The following SIDT1 variants were observed in gnomAD, a reference collection of about 807,000 sequenced individuals.
SIDT1 encodes SID1 transmembrane family, member 1.
In SIDT1, 101 loss-of-function variants were observed where a neutral mutation model predicts 107.5. The ratio of observed to expected loss-of-function variants is 0.94; its 90% CI spans 0.80 to 1.11. SIDT1 has a LOEUF of 1.11. Among genes scored for constraint, SIDT1 ranks in the 50% least tolerant of loss-of-function variants. The pLI is 0.00. For missense variants in SIDT1, 1,076 were observed against 1,058.2 expected, an observed-to-expected ratio of 1.02 and a Z score of -0.23; for synonymous variants, 395 against 398.2, an observed-to-expected ratio of 0.99 and a Z score of 0.10.
rs1945221503 is a variant in SIDT1, at chr3:113,604,991, A to G, written c.1404+15A>G. On this transcript the variant is annotated intron_variant, in intron 14 of 24. Coordinates refer to ENST00000264852, the MANE Select transcript of SIDT1 (RefSeq NM_017699.3). ...CCTATCAGACAGTAAGTGCTGCCCC[A>G]GCCCCAGCCCCAGAGTCCCAGCTTT... The G allele has an allele frequency of 6.2e-7, 1 of 1,613,302 alleles. No homozygotes were observed. The highest frequency in any genetic ancestry group is 8.5e-7 in the Non-Finnish European group (1 of 1,179,908).
intron 10 of SIDT1, among the ~76,000 whole-genome samples, chr3:113,600,178 T>C (rs1212620849): frequency 6.6e-6 from 1 of 151,906 alleles, no homozygotes; most frequent in African/African-American, 2.4e-5. Flanking sequence ...GTTGTGGTGA[T>C]GTGCACCTGT....
Position 113,627,824 on chromosome 3 carries a change from C to T in SIDT1, c.*116C>T. ...ATGCTCCACTCACCCTCTGTAGAGC[C>T]AACTCTGCATTCACACAGGAAGGAG... On this transcript the variant is annotated 3_prime_UTR_variant, in exon 25 of 25. Coordinates refer to ENST00000264852, the MANE Select transcript of SIDT1 (RefSeq NM_017699.3). 1.1e-6 allele frequency: 1 copy of T among 899,580 alleles called. No individual in the cohort carries two copies. The highest frequency in any genetic ancestry group is 1.5e-5 in the South Asian group (1 of 68,082). 55.7% of individuals were successfully genotyped at this position (899,580 alleles called of 1,614,324 possible).
intron 1 of SIDT1, among the ~76,000 whole-genome samples, chr3:113,561,378 A>G (rs1941415403): frequency 6.6e-6 from 1 of 152,118 alleles, no homozygotes; most frequent in Admixed American, 6.5e-5. Flanking sequence ...TATGACTAGT[A>G]AGAACATTAT....
At chr3:113,624,518 A>T (rs937868598) in intron 23 of SIDT1, among the ~76,000 whole-genome samples, 6 of 152,092 alleles carry the variant, frequency 3.9e-5, no homozygotes, top group African/African-American at 1.4e-4. Context: ...GGACAGTTGG[A>T]TTGTTTCTAT....
rs1483968117 is a variant in SIDT1 at position 113,623,802 on chromosome 3, C to G, written c.2307+69C>G. 6.0e-6 allele frequency: 6 copies of G among 1,007,948 alleles called. No homozygotes were observed. In the African/African-American group the frequency reaches 9.5e-5, roughly 16 times the overall value. 62.4% of individuals were successfully genotyped at this position (1,007,948 alleles called of 1,614,324 possible). On this transcript the variant is annotated intron_variant, in intron 23 of 24. Coordinates refer to ENST00000264852, the MANE Select transcript of SIDT1 (RefSeq NM_017699.3). ...ACTTGCCATTTTGGCCTTTCTACCTCCCTCTCTTAATGTGTTTTCACAGTG... is the reference window on the plus strand; with the variant it reads ...ACTTGCCATTTTGGCCTTTCTACCTGCCTCTCTTAATGTGTTTTCACAGTG...
At chr3:113,589,783 C>T (rs1227871976) in intron 9 of SIDT1, 1 of 152,664 alleles carries the variant, frequency 6.6e-6, no homozygotes, top group Admixed American at 6.5e-5. Context: ...ATCCACCCAC[C>T]TTGGCCTCCA....
chr3:113,541,548 G>A (rs1938872243), intron 1 of SIDT1, among the ~76,000 whole-genome samples: 1 of 152,022 alleles, frequency 6.6e-6, no homozygotes, highest in African/African-American at 2.4e-5. Context: ...TATTCTCCAG[G>A]GAATATTGGG....
chr3:113,571,976 T>C lies in SIDT1; in HGVS notation c.515+4266T>C, dbSNP rs533296789. Among the ~76,000 whole-genome samples, 13 of 152,252 alleles carry C rather than the reference T, an allele frequency of 8.5e-5. No homozygotes were observed. In the South Asian group the frequency reaches 2.7e-3, roughly 32 times the overall value. On this transcript the variant is annotated intron_variant, in intron 3 of 24. Transcript: ENST00000264852. ...AATTAAACAGTTGTCTATATTGTGA[T>C]AGTTGTGTGGAGAATGGATTTGAAG...
At chr3:113,619,357 AT>A (rs1403543354) in intron 20 of SIDT1, among the ~76,000 whole-genome samples, 2 of 152,204 alleles carry the variant, frequency 1.3e-5, no homozygotes, top group African/African-American at 4.8e-5. Flanking sequence ...CAATTCTGTA[AT>A]CAACACATAC....
At chr3:113,544,694 G>A (rs141210001) in intron 1 of SIDT1, among the ~76,000 whole-genome samples, 48 of 152,270 alleles carry the variant, frequency 3.2e-4, no homozygotes, top group Admixed American at 1.8e-3. Context: ...TCCTTAGTGC[G>A]TCGTATCAGG....
At chr3:113,576,303 T>G (rs1406255892) in intron 3 of SIDT1, among the ~76,000 whole-genome samples, 1 of 152,186 alleles carries the variant, frequency 6.6e-6, no homozygotes, top group Non-Finnish European at 1.5e-5. Flanking sequence ...ATTTATGTTT[T>G]AAAGGAGGGT....
intron 21 of SIDT1, 136 bp from the exon 22 acceptor site, chr3:113,623,290 AT>A (rs1376777588): frequency 1.9e-6 from 1 of 514,482 alleles, no homozygotes; most frequent in Non-Finnish European, 3.4e-6. Flanking sequence ...TTAAAAAAAA[AT>A]AAAATGAACT....
chr3:113,604,954 A>G lies in SIDT1; in HGVS notation c.1382A>G (p.Gln461Arg). The G allele has an allele frequency of 6.2e-7, 1 of 1,614,026 alleles. No individual in the cohort carries two copies. Among genetic ancestry groups the G allele is most frequent in the Non-Finnish European group, 8.5e-7 (1 of 1,180,024 alleles). ...GTGTTTTACGCGCTGCCCGTGATCC[A>G]GCTGGTCATTACCTATCAGACAGTA... ...IAVFYALPVI[Q>R]LVITYQTVVN... The change falls in exon 14 of 25, where the codon CAG becomes CGG. Residue 461 changes from glutamine (Q) to arginine (R), a missense_variant. Gln to Arg is a conservative substitution (Grantham distance 43). Coordinates refer to ENST00000264852, the MANE Select transcript of SIDT1 (RefSeq NM_017699.3).
chr3:113,623,543 G>T lies in SIDT1; in HGVS notation c.2196+11G>T. ...TACATCATCATGAAGGTAAGAGCGGGTGCCGGGAGCGGCTACCTCGGGCCC... is the reference window on the plus strand; with the variant it reads ...TACATCATCATGAAGGTAAGAGCGGTTGCCGGGAGCGGCTACCTCGGGCCC... On this transcript the variant is annotated intron_variant, in intron 22 of 24. Coordinates refer to ENST00000264852, the MANE Select transcript of SIDT1 (RefSeq NM_017699.3). 1 of 1,610,000 alleles carries T rather than the reference G, an allele frequency of 6.2e-7. No individual in the cohort carries two copies. Among genetic ancestry groups the T allele is most frequent in the Non-Finnish European group, 8.5e-7 (1 of 1,176,340 alleles).
chr3:113,544,072 A>T (rs1364615685), intron 1 of SIDT1, among the ~76,000 whole-genome samples: 1 of 151,946 alleles, frequency 6.6e-6, no homozygotes, highest in African/African-American at 2.4e-5. Context: ...TTTAATGAAA[A>T]AAGGTTTTTT....
At chr3:113,575,206 C>T (rs753901026) in intron 3 of SIDT1, among the ~76,000 whole-genome samples, 4 of 152,006 alleles carry the variant, frequency 2.6e-5, no homozygotes, top group Non-Finnish European at 5.9e-5. Context: ...AAATCTCTGG[C>T]AAAAAAATAT....
downstream of SIDT1, among the ~76,000 whole-genome samples, chr3:113,630,154 G>A (rs1378875344): frequency 6.6e-6 from 1 of 152,196 alleles, no homozygotes; most frequent in Non-Finnish European, 1.5e-5. Flanking sequence ...GGTTCAACAG[G>A]AGCGTAACCG....
intron 3 of SIDT1, among the ~76,000 whole-genome samples, chr3:113,569,232 T>G (rs1942228100): frequency 6.6e-6 from 1 of 151,978 alleles, no homozygotes; most frequent in Admixed American, 6.6e-5. Flanking sequence ...AAAACTATTC[T>G]GTGATGCTGG....
At chr3:113,585,422 C>T in intron 9 of SIDT1, 152 bp downstream of exon 9, 1 of 642,620 alleles carries the variant, frequency 1.6e-6, no homozygotes, top group South Asian at 1.9e-5. Context: ...GGAGATGTTG[C>T]TCAACTCTCT....
Sources: allele counts gnomAD v4.1 joint callset (sites outside exome capture counted in the v4.1 genomes callset), GRCh38; gene constraint gnomAD v4.1.1; transcripts MANE v1.5; gene names NCBI Gene and HGNC (gene_info 2026-07-23, HGNC 2026-07-21).